The following CSMD3 variants were observed in gnomAD, a reference collection of about 807,000 sequenced individuals.
The protein encoded by CSMD3 is CUB and sushi domain-containing protein 3.
A neutral mutation model predicts 435.2 loss-of-function variants in CSMD3; 177 were observed. That is an observed-to-expected ratio of 0.41 (90% CI 0.36 to 0.46). The LOEUF is 0.46. CSMD3 is among the 20% of genes least tolerant of loss of function. The probability of loss-of-function intolerance (pLI) is 0.34; values close to 1 mark genes in which losing one functional copy is unlikely to be tolerated. For missense variants in CSMD3, 4,265 were observed against 4,504.6 expected (o/e 0.95, Z 1.52); for synonymous variants, 1,656 against 1,520.5 (o/e 1.09, Z -2.07).
intron 61 of CSMD3, among the ~76,000 whole-genome samples, chr8:112,257,647 G>A (rs1479926703): frequency 6.6e-6 from 1 of 152,098 alleles, no homozygotes; most frequent in East Asian, 1.9e-4. Flanking sequence ...CAAATAAATG[G>A]AAAAACATTT....
intron 1 of CSMD3, among the ~76,000 whole-genome samples, chr8:113,396,224 A>T (rs2094482946): frequency 6.6e-6 from 1 of 152,170 alleles, no homozygotes; most frequent in African/African-American, 2.4e-5. Context: ...AAGTAATGAC[A>T]TAATATTATG....
intron 22 of CSMD3, among the ~76,000 whole-genome samples, chr8:112,627,670 A>C (rs942270169): frequency 6.6e-6 from 1 of 152,180 alleles, no homozygotes; most frequent in Non-Finnish European, 1.5e-5. Flanking sequence ...AGTCCTCATA[A>C]AACTCAAAAA....
At chr8:112,680,064 A>C (rs1386040959) in intron 16 of CSMD3, among the ~76,000 whole-genome samples, 2 of 152,122 alleles carry the variant, frequency 1.3e-5, no homozygotes, top group Non-Finnish European at 2.9e-5. Flanking sequence ...TCAAATACTA[A>C]TGTGTGGCCG....
chr8:112,738,503 A>C (rs947806466), intron 13 of CSMD3, among the ~76,000 whole-genome samples: 18 of 151,912 alleles, frequency 1.2e-4, no homozygotes, highest in African/African-American at 4.3e-4. Flanking sequence ...TAAATCTTTC[A>C]AAAGAATTAT....
intron 3 of CSMD3, among the ~76,000 whole-genome samples, chr8:113,251,763 T>C (rs1461771326): frequency 1.3e-5 from 2 of 152,026 alleles, no homozygotes; most frequent in Non-Finnish European, 2.9e-5. Context: ...GCCAGGAAAA[T>C]TAAAAGGTGA....
chr8:112,493,468 G>A (rs1288533837), intron 30 of CSMD3, among the ~76,000 whole-genome samples: 1 of 151,956 alleles, frequency 6.6e-6, no homozygotes, highest in East Asian at 1.9e-4. Context: ...GGCCCTATTT[G>A]TCTGCCCTGC....
At chr8:112,557,082 T>C in intron 24 of CSMD3, 128 bp from the exon 25 acceptor site, 1 of 639,262 alleles carries the variant, frequency 1.6e-6, no homozygotes, top group Non-Finnish European at 2.7e-6. Flanking sequence ...GCCCTTACCA[T>C]ATTTAATTTT....
At chr8:112,248,855 T>C (rs1815004993) in intron 63 of CSMD3, among the ~76,000 whole-genome samples, 1 of 152,090 alleles carries the variant, frequency 6.6e-6, no homozygotes, top group Non-Finnish European at 1.5e-5. Context: ...ACCCTCACCT[T>C]TGCCTCTAGA....
chr8:112,945,086 C>A (rs1305132423), intron 9 of CSMD3, among the ~76,000 whole-genome samples: 1 of 151,640 alleles, frequency 6.6e-6, no homozygotes, highest in Non-Finnish European at 1.5e-5. Context: ...CTCCAGAAAT[C>A]TCTGGATGTT....
chr8:112,938,949 C>A (rs1344239552), intron 9 of CSMD3, among the ~76,000 whole-genome samples: 1 of 151,980 alleles, frequency 6.6e-6, no homozygotes, highest in Non-Finnish European at 1.5e-5. Flanking sequence ...TTGAAACCTA[C>A]AGTGTGTTAA....
At chr8:112,790,834 C>T (rs1312096580) in intron 13 of CSMD3, among the ~76,000 whole-genome samples, 1 of 152,074 alleles carries the variant, frequency 6.6e-6, no homozygotes, top group Admixed American at 6.6e-5. Flanking sequence ...TTCTTATTCT[C>T]TCAAAATAGA....
intron 13 of CSMD3, among the ~76,000 whole-genome samples, chr8:112,734,872 T>G (rs1587120484): frequency 6.6e-6 from 1 of 152,134 alleles, no homozygotes; most frequent in African/African-American, 2.4e-5. Context: ...CTTAAGAAAG[T>G]ACTTCCTTCT....
At chr8:113,190,437 C>A (rs981471812) in intron 3 of CSMD3, among the ~76,000 whole-genome samples, 5 of 151,676 alleles carry the variant, frequency 3.3e-5, no homozygotes, top group African/African-American at 1.2e-4. Flanking sequence ...CCTTGAAGCA[C>A]AGAATGCATG....
At chr8:113,244,114 C>T (rs1045584113) in intron 3 of CSMD3, among the ~76,000 whole-genome samples, 1 of 152,170 alleles carries the variant, frequency 6.6e-6, no homozygotes, top group East Asian at 1.9e-4. Context: ...ATTGTATTTT[C>T]ACTTTCTTTT....
chr8:112,414,021 G>C (rs1811638749), intron 32 of CSMD3, among the ~76,000 whole-genome samples: 1 of 152,048 alleles, frequency 6.6e-6, no homozygotes, highest in Non-Finnish European at 1.5e-5. Context: ...GGTTTGGCCA[G>C]AATCCCCCTC....
intron 37 of CSMD3, among the ~76,000 whole-genome samples, chr8:112,382,773 T>A (rs1482025563): frequency 3.3e-5 from 5 of 152,324 alleles, no homozygotes; most frequent in Middle Eastern, 3.4e-3. Flanking sequence ...GTGGATCACC[T>A]GAAGTCAGAA....
At chr8:112,683,484 T>C (rs970659267) in intron 15 of CSMD3, among the ~76,000 whole-genome samples, 7 of 152,052 alleles carry the variant, frequency 4.6e-5, no homozygotes, top group Non-Finnish European at 1.0e-4. Flanking sequence ...TTCTACCTTG[T>C]TTGTCTCACA....
intron 5 of CSMD3, 129 bp downstream of exon 5, chr8:113,098,627 C>T: frequency 1.5e-6 from 1 of 679,080 alleles, no homozygotes; most frequent in Non-Finnish European, 2.6e-6. Context: ...CTCTGACAAC[C>T]TCTTCACATA....
At chr8:113,196,850 T>C (rs917213530) in intron 3 of CSMD3, among the ~76,000 whole-genome samples, 3 of 151,266 alleles carry the variant, frequency 2.0e-5, no homozygotes, top group African/African-American at 7.3e-5. Context: ...AATTATTTCT[T>C]ACTCTACTGG....
Sources: allele counts gnomAD v4.1 joint callset (sites outside exome capture counted in the v4.1 genomes callset), GRCh38; gene constraint gnomAD v4.1.1; transcripts MANE v1.5; gene names NCBI Gene and HGNC (gene_info 2026-07-23, HGNC 2026-07-21).